Variants in ANKS1B observed in about 807,000 individuals in gnomAD.
ANKS1B encodes the protein ankyrin repeat and sterile alpha motif domain containing 1B.
In ANKS1B, 36 loss-of-function variants were observed where a neutral mutation model predicts 148.3. The ratio of observed to expected loss-of-function variants is 0.24; its 90% CI spans 0.19 to 0.32. The LOEUF (loss-of-function observed/expected upper bound fraction) is 0.32, where lower values mean the gene tolerates loss of function less well. Among genes scored for constraint, ANKS1B ranks in the 10% least tolerant of loss-of-function variants. ANKS1B has a pLI of 1.00. For missense variants in ANKS1B, 1,157 were observed against 1,542.6 expected, an observed-to-expected ratio of 0.75 and a Z score of 4.19; for synonymous variants, 542 against 560.8, an observed-to-expected ratio of 0.97 and a Z score of 0.47.
intron 16 of ANKS1B, among the ~76,000 whole-genome samples, chr12:99,075,519 G>A (rs1386533702): frequency 6.6e-6 from 1 of 152,104 alleles, no homozygotes; most frequent in African/African-American, 2.4e-5. Flanking sequence ...CCAGGCTAAG[G>A]AATAATAAAA....
intron 10 of ANKS1B, among the ~76,000 whole-genome samples, chr12:99,461,884 T>G (rs568639765): frequency 1.3e-3 from 198 of 152,350 alleles, no homozygotes; most frequent in Non-Finnish European, 2.2e-3. Flanking sequence ...AGTAACTCAT[T>G]CTGTGGATAC....
chr12:99,066,246 A>G (rs1052468566), intron 16 of ANKS1B, among the ~76,000 whole-genome samples: 54 of 152,152 alleles, frequency 3.5e-4, no homozygotes, highest in African/African-American at 1.2e-3. Context: ...GCTTGAACCC[A>G]GGAGGCAGAG....
intron 12 of ANKS1B, among the ~76,000 whole-genome samples, chr12:99,264,161 T>C (rs1430264611): frequency 6.6e-6 from 1 of 152,164 alleles, no homozygotes; most frequent in Non-Finnish European, 1.5e-5. Flanking sequence ...TTCAGAAATT[T>C]TGCTAAATTC....
chr12:99,880,625 C>T (rs1249600805), intron 1 of ANKS1B, among the ~76,000 whole-genome samples: 2 of 152,192 alleles, frequency 1.3e-5, no homozygotes, highest in Non-Finnish European at 2.9e-5. Flanking sequence ...ACATGTGATG[C>T]TCATTTCCAT....
At position 99,913,953 on chromosome 12, in the gene ANKS1B, T is replaced by C. The variant is rs1403050280; in HGVS notation, c.134+70151A>G. On this transcript the variant is annotated intron_variant, in intron 1 of 26. Transcript: ENST00000683438. ...CCTTTATAACAAACCCTGTTAGACC[T>C]TGTAGGAGACCCTGTTAATGCCCAC... 2.0e-5 allele frequency among the ~76,000 whole-genome samples: 3 copies of C among 152,322 alleles called. No homozygotes were observed. In the East Asian group the frequency reaches 5.8e-4, roughly 29 times the overall value.
At chr12:99,734,118 G>A (rs1278101796) in intron 8 of ANKS1B, among the ~76,000 whole-genome samples, 1 of 152,100 alleles carries the variant, frequency 6.6e-6, no homozygotes. Context: ...ATTCCATGAG[G>A]CATTACATTT....
intron 12 of ANKS1B, among the ~76,000 whole-genome samples, chr12:99,345,230 G>A (rs757212961): frequency 5.3e-5 from 8 of 152,072 alleles, no homozygotes; most frequent in Non-Finnish European, 8.8e-5. Flanking sequence ...CAGTAAAGGA[G>A]TCTGAATCGT....
intron 2 of ANKS1B, among the ~76,000 whole-genome samples, chr12:99,812,987 C>G (rs2068623135): frequency 1.3e-5 from 2 of 151,700 alleles, no homozygotes; most frequent in Non-Finnish European, 3.0e-5. Context: ...ATTTTAATAA[C>G]TTCTCAGTGA....
chr12:99,780,442 AT>A (rs36088512), intron 5 of ANKS1B, among the ~76,000 whole-genome samples: 66,438 of 147,792 alleles, frequency 0.45, 14,783 homozygotes, highest in East Asian at 0.58. Flanking sequence ...TGCCCAACTA[AT>A]TTTTTTTTTT....
At chr12:98,832,794 C>G (rs2099329620) in intron 17 of ANKS1B, among the ~76,000 whole-genome samples, 1 of 152,132 alleles carries the variant, frequency 6.6e-6, no homozygotes, top group Non-Finnish European at 1.5e-5. Context: ...TCTAAAAGCA[C>G]TTTCTTTACA....
At chr12:99,248,390 C>T (rs2074141357) in intron 12 of ANKS1B, among the ~76,000 whole-genome samples, 8 of 152,104 alleles carry the variant, frequency 5.3e-5, no homozygotes, top group Admixed American at 5.2e-4. Flanking sequence ...TACCAGCATC[C>T]TGAGATTGAA....
At chr12:99,216,928 G>A (rs2084295533) in intron 14 of ANKS1B, among the ~76,000 whole-genome samples, 1 of 152,188 alleles carries the variant, frequency 6.6e-6, no homozygotes, top group African/African-American at 2.4e-5. Context: ...CCCTGAAAAT[G>A]AAGATGCAGT....
At chr12:99,050,523 A>G (rs543615007) in intron 17 of ANKS1B, among the ~76,000 whole-genome samples, 163 of 152,286 alleles carry the variant, frequency 1.1e-3, no homozygotes, top group African/African-American at 3.9e-3. Flanking sequence ...AGTGGTAGAC[A>G]CAGATGGCAT....
At chr12:99,800,441 CAAAAAAAA>C (rs138056927) in intron 4 of ANKS1B, among the ~76,000 whole-genome samples, 1 of 86,750 alleles carries the variant, frequency 1.2e-5, no homozygotes, top group African/African-American at 4.3e-5. Flanking sequence ...ATACAGAAGC[CAAAAAAAA>C]AAAAAAAAAA....
intron 1 of ANKS1B, among the ~76,000 whole-genome samples, chr12:99,971,587 G>A (rs1231601720): frequency 6.8e-6 from 1 of 146,610 alleles, no homozygotes. Flanking sequence ...AACCTAAAGT[G>A]ACTAATAGTA....
At chr12:99,046,444 ATTCC>A (rs2099962400) in intron 17 of ANKS1B, among the ~76,000 whole-genome samples, 1 of 152,232 alleles carries the variant, frequency 6.6e-6, no homozygotes, top group Admixed American at 6.5e-5. Context: ...CTGTAACTGT[ATTCC>A]ATATGTTCCA....
intron 14 of ANKS1B, among the ~76,000 whole-genome samples, chr12:99,196,831 T>A (rs2081442830): frequency 6.6e-6 from 1 of 152,068 alleles, no homozygotes; most frequent in African/African-American, 2.4e-5. Context: ...CAACTTTGGG[T>A]CCAGGGATTG....
intron 12 of ANKS1B, among the ~76,000 whole-genome samples, chr12:99,271,461 C>A (rs1241036300): frequency 2.0e-5 from 3 of 151,770 alleles, no homozygotes; most frequent in African/African-American, 4.8e-5. Context: ...GTGAAATATT[C>A]CTAAGATTAG....
intron 1 of ANKS1B, among the ~76,000 whole-genome samples, chr12:99,956,340 T>C (rs1453684018): frequency 2.0e-5 from 3 of 149,672 alleles, no homozygotes; most frequent in Non-Finnish European, 3.0e-5. Flanking sequence ...GATGGATAAA[T>C]GAGAAACCAA....
Sources: gnomAD v4.1 joint callset for allele counts (sites outside exome capture counted in the v4.1 genomes callset) on GRCh38, gnomAD v4.1.1 for gene constraint, MANE v1.5 for transcripts, NCBI Gene and HGNC (gene_info 2026-07-23, HGNC 2026-07-21) for gene names.